The following CADPS2 variants were observed in gnomAD, a reference collection of about 807,000 sequenced individuals.
The protein encoded by CADPS2 is calcium-dependent secretion activator 2.
A neutral mutation model predicts 172.5 loss-of-function variants in CADPS2; 93 were observed. That is an observed-to-expected ratio of 0.54 (90% CI 0.46 to 0.64). The LOEUF (loss-of-function observed/expected upper bound fraction) is 0.64, where lower values mean the gene tolerates loss of function less well. Ranked by LOEUF, CADPS2 falls within the 30% of genes least tolerant of loss-of-function variation. CADPS2 has a pLI of 0.00. For synonymous variants in CADPS2, 546 were observed against 555.2 expected, an observed-to-expected ratio of 0.98 and a Z score of 0.23; for missense variants, 1,420 against 1,565.9, an observed-to-expected ratio of 0.91 and a Z score of 1.57.
intron 2 of CADPS2, among the ~76,000 whole-genome samples, chr7:122,720,341 G>A (rs1010814903): frequency 1.3e-5 from 2 of 151,666 alleles, no homozygotes; most frequent in African/African-American, 4.8e-5. Flanking sequence ...TGCTGTAATT[G>A]TATATTCTTA....
At chr7:122,759,735 A>G (rs1055419393) in intron 1 of CADPS2, among the ~76,000 whole-genome samples, 1 of 152,186 alleles carries the variant, frequency 6.6e-6, no homozygotes, top group Non-Finnish European at 1.5e-5. Context: ...GACCTTTGCT[A>G]TTAATCCAAT....
At chr7:122,826,861 A>C (rs1215494410) in intron 1 of CADPS2, among the ~76,000 whole-genome samples, 1 of 152,134 alleles carries the variant, frequency 6.6e-6, no homozygotes, top group Non-Finnish European at 1.5e-5. Context: ...ACAATAACCT[A>C]ATCTCTCACG....
intron 1 of CADPS2, among the ~76,000 whole-genome samples, chr7:122,821,022 C>T (rs139202073): frequency 3.3e-5 from 5 of 151,472 alleles, no homozygotes; most frequent in East Asian, 2.0e-4. Flanking sequence ...CATATACTTT[C>T]TGCTTCCTGG....
In CADPS2 at chr7:122,407,576, G is replaced by C. The variant is rs776600835; in HGVS notation, c.2710C>G (p.Leu904Val). The C allele has an allele frequency of 8.1e-6, 13 of 1,612,252 alleles. No homozygotes were observed. In the South Asian group the frequency reaches 1.3e-4, roughly 16 times the overall value. Residue 904 changes from leucine (L) to valine (V), a missense_variant, in exon 20 of 30, where the codon CTT becomes GTT. Leu to Val is a conservative substitution (Grantham distance 32). Coordinates refer to ENST00000449022, the MANE Select transcript of CADPS2 (RefSeq NM_017954.11). ...QPQDSWDSFP[L>V]FQLLNNFLRN... ...AGGAAATTATTAAGCAGTTGGAAAAGAGGAAAACTATCCCAGGAGTCTTGC... is the reference window on the plus strand; with the variant it reads ...AGGAAATTATTAAGCAGTTGGAAAACAGGAAAACTATCCCAGGAGTCTTGC...
intron 1 of CADPS2, among the ~76,000 whole-genome samples, chr7:122,781,579 CCA>C (rs1323562907): frequency 6.6e-6 from 1 of 152,122 alleles, no homozygotes; most frequent in Non-Finnish European, 1.5e-5. Context: ...ACTCATAATT[CCA>C]GAGATACAAA....
chr7:122,882,706 GTAT>G (rs1015051988), intron 1 of CADPS2, among the ~76,000 whole-genome samples: 2 of 143,716 alleles, frequency 1.4e-5, no homozygotes, highest in African/African-American at 5.2e-5. Flanking sequence ...TACCTGATTT[GTAT>G]TATTGTTTTT....
At chr7:122,450,469 G>GTATT (rs2052918157) in intron 15 of CADPS2, among the ~76,000 whole-genome samples, 1 of 145,456 alleles carries the variant, frequency 6.9e-6, no homozygotes, top group African/African-American at 2.6e-5. Context: ...TATTATCAAG[G>GTATT]TATTTATCTT....
At chr7:122,748,378 C>T (rs890895239) in intron 1 of CADPS2, among the ~76,000 whole-genome samples, 6 of 152,090 alleles carry the variant, frequency 3.9e-5, no homozygotes, top group South Asian at 4.1e-4. Context: ...GCCTCAGTAC[C>T]ATCTGGCATT....
At chr7:122,885,876 T>C in intron 1 of CADPS2, 123 bp downstream of exon 1, 1 of 1,211,668 alleles carries the variant, frequency 8.3e-7, no homozygotes. Flanking sequence ...TCCTCTGCCC[T>C]CAGAGACTAA....
At chr7:122,812,218 TC>T (rs2140177505) in intron 1 of CADPS2, among the ~76,000 whole-genome samples, 1 of 152,198 alleles carries the variant, frequency 6.6e-6, no homozygotes, top group Non-Finnish European at 1.5e-5. Flanking sequence ...TAAAAGAGTT[TC>T]ATGACCCATT....
chr7:122,517,416 C>A (rs1202875725), intron 8 of CADPS2, among the ~76,000 whole-genome samples: 1 of 151,932 alleles, frequency 6.6e-6, no homozygotes, highest in East Asian at 1.9e-4. Flanking sequence ...GGGTAAATAC[C>A]TAGGAGTGGG....
At chr7:122,876,838 A>G (rs1306082506) in intron 1 of CADPS2, among the ~76,000 whole-genome samples, 1 of 152,182 alleles carries the variant, frequency 6.6e-6, no homozygotes, top group African/African-American at 2.4e-5. Flanking sequence ...AAAAAGCAAT[A>G]GGCTAAAAAA....
At chr7:122,479,926 T>C (rs1215308218) in intron 12 of CADPS2, among the ~76,000 whole-genome samples, 2 of 152,316 alleles carry the variant, frequency 1.3e-5, no homozygotes, top group East Asian at 3.9e-4. Context: ...TAATTTATTA[T>C]TGGAAGACAA....
In CADPS2 at chr7:122,859,575, A is replaced by C. The variant is rs183999090; in HGVS notation, c.339+26424T>G. Among the ~76,000 whole-genome samples the C allele has an allele frequency of 3.2e-4, 48 of 152,296 alleles. No individual in the cohort carries two copies. In the East Asian group the frequency reaches 7.4e-3, roughly 23 times the overall value. ...TCAAAAACAAAATGAAAAACATAAG[A>C]AAAATAGAGAATATTTTAATTACAC... On this transcript the variant is annotated intron_variant, in intron 1 of 29. Coordinates refer to ENST00000449022, the MANE Select transcript of CADPS2 (RefSeq NM_017954.11).
chr7:122,452,473 G>T (rs765722477), intron 14 of CADPS2, among the ~76,000 whole-genome samples: 6 of 152,206 alleles, frequency 3.9e-5, no homozygotes, highest in Admixed American at 3.3e-4. Context: ...TTGGCTCAGT[G>T]CAACCTCCGC....
intron 1 of CADPS2, among the ~76,000 whole-genome samples, chr7:122,882,298 G>A (rs936162793): frequency 6.6e-6 from 1 of 152,040 alleles, no homozygotes. Context: ...ATTTAGTGTG[G>A]TTACAGTGGA....
At chr7:122,353,219 G>A (rs1378910928) in intron 27 of CADPS2, among the ~76,000 whole-genome samples, 1 of 152,142 alleles carries the variant, frequency 6.6e-6, no homozygotes, top group African/African-American at 2.4e-5. Flanking sequence ...TAGGAGCAAG[G>A]TGGAAAATGA....
intron 2 of CADPS2, among the ~76,000 whole-genome samples, chr7:122,673,969 C>G (rs1408620832): frequency 3.9e-5 from 6 of 152,108 alleles, no homozygotes; most frequent in African/African-American, 1.4e-4. Flanking sequence ...GTCCCCAACC[C>G]TGAGCGGGGA....
chr7:122,342,088 T>A (rs908281177), intron 28 of CADPS2, among the ~76,000 whole-genome samples: 1 of 152,158 alleles, frequency 6.6e-6, no homozygotes, highest in Non-Finnish European at 1.5e-5. Context: ...ATTTCAAGAT[T>A]TGATGTAAAA....
Sources: gnomAD v4.1 joint callset for allele counts (sites outside exome capture counted in the v4.1 genomes callset) on GRCh38, gnomAD v4.1.1 for gene constraint, MANE v1.5 for transcripts, NCBI Gene and HGNC (gene_info 2026-07-23, HGNC 2026-07-21) for gene names.